Variants in ASS1 observed in about 807,000 individuals in gnomAD.
ASS1 encodes the protein argininosuccinate synthase.
Under a neutral mutation model 60.5 loss-of-function variants are expected in ASS1, and 58 were observed. The observed-to-expected ratio is 0.96, with a 90% confidence interval of 0.78 to 1.19. ASS1 has a LOEUF of 1.19. Ranked by LOEUF, ASS1 falls within the 50% of genes most tolerant of loss-of-function variation. The pLI, the probability that ASS1 is intolerant of heterozygous loss-of-function variation, is 0.00. For missense variants in ASS1, 454 were observed against 547.3 expected (o/e 0.83, Z 1.70); for synonymous variants, 200 against 206.9 (o/e 0.97, Z 0.29).
chr9:130,484,963 G>A lies in ASS1; in HGVS notation c.839-4370G>A, dbSNP rs1864708. On this transcript the variant is annotated intron_variant, in intron 11 of 14. Transcript: ENST00000352480. ...GTGGCTGCAGCCTTTCCCCTTGCCC[G>A]TGAGCCCTCCGGAGGCTGCCTGGGA... 3.3e-3 allele frequency among the ~76,000 whole-genome samples: 509 copies of A among 152,284 alleles called. 3 individuals carry two copies. The highest frequency in any genetic ancestry group is 0.012 in the African/African-American group (486 of 41,556).
intron 13 of ASS1, among the ~76,000 whole-genome samples, chr9:130,495,444 C>CATATATATAT (rs142565065): frequency 7.2e-6 from 1 of 139,750 alleles, no homozygotes; most frequent in African/African-American, 2.6e-5. Flanking sequence ...CACACACATA[C>CATATATATAT]ATATATATAT....
chr9:130,495,470 T>TACACACACACACACACAC (rs777921061), intron 13 of ASS1, among the ~76,000 whole-genome samples: 30 of 130,576 alleles, frequency 2.3e-4, no homozygotes, highest in East Asian at 1.8e-3. Context: ...TACACATACA[T>TACACACACACACACACAC]ATACACACAC....
intron 13 of ASS1, among the ~76,000 whole-genome samples, chr9:130,495,951 A>G (rs1846590508): frequency 1.3e-5 from 2 of 152,124 alleles, no homozygotes; most frequent in African/African-American, 4.8e-5. Flanking sequence ...TTTAGGTGTC[A>G]TGAGTATGGG....
intron 5 of ASS1, among the ~76,000 whole-genome samples, chr9:130,465,335 A>G (rs1845710644): frequency 6.6e-6 from 1 of 152,222 alleles, no homozygotes; most frequent in South Asian, 2.1e-4. Flanking sequence ...GCCATATTAA[A>G]AAATAGAAAA....
At chr9:130,480,543 A>G (rs1044255468) in intron 11 of ASS1, 94 bp downstream of exon 11, 8 of 1,377,342 alleles carry the variant, frequency 5.8e-6, no homozygotes, top group Admixed American at 5.7e-5. Context: ...TACTACCCCC[A>G]TGCTCCGTGG....
intron 14 of ASS1, among the ~76,000 whole-genome samples, chr9:130,500,549 A>G (rs1846725744): frequency 1.3e-5 from 2 of 151,870 alleles, no homozygotes; most frequent in South Asian, 4.2e-4. Flanking sequence ...CCCTGGAGGC[A>G]CCTCATGCCC....
rs1316485985 is a variant in ASS1, at chr9:130,470,227, C to A, written c.496-607C>A. Among the ~76,000 whole-genome samples the A allele has an allele frequency of 1.3e-5, 2 of 152,178 alleles. No individual in the cohort carries two copies. The highest frequency in any genetic ancestry group is 2.1e-4 in the South Asian group (1 of 4,822). On this transcript the variant is annotated intron_variant, in intron 6 of 14. Coordinates refer to ENST00000352480, the MANE Select transcript of ASS1 (RefSeq NM_054012.4). This position sits in a 1 kb window ranked among gnomAD's most constrained non-coding sequence, Gnocchi z 4.3. ...TGTCCTCCTGTAACAACAGACTGGG[C>A]CATTTAGGAAGCGAAACAGAGCCAG...
intron 1 of ASS1, chr9:130,450,371 C>G (rs75335697): frequency 4.4e-5 from 43 of 978,706 alleles, no homozygotes; most frequent in Non-Finnish European, 4.9e-5. Flanking sequence ...CTGCCTTCCT[C>G]CCTCCTTCCC....
At chr9:130,450,268 G>A (rs1346343136) in intron 1 of ASS1, 1 of 988,104 alleles carries the variant, frequency 1.0e-6, no homozygotes, top group Non-Finnish European at 1.2e-6. Flanking sequence ...CTCTGCTTTT[G>A]CAGAGTGGTT....
At chr9:130,473,690 C>A (rs909641435) in intron 8 of ASS1, among the ~76,000 whole-genome samples, 9 of 152,208 alleles carry the variant, frequency 5.9e-5, no homozygotes, top group Admixed American at 1.3e-4. Context: ...GCCCCTCCCC[C>A]TCTCCAAAAG....
In ASS1 at chr9:130,458,487, C is replaced by T. The variant is rs749648285; in HGVS notation, c.261C>T (p.Tyr87=). 60 of 1,612,596 alleles carry T rather than the reference C, an allele frequency of 3.7e-5. 1 individual carries two copies. In the South Asian group the frequency reaches 6.2e-4, roughly 17 times the overall value. The change falls in exon 4 of 15, where the codon TAC becomes TAT. Residue 87 remains tyrosine, a synonymous_variant. Transcript: ENST00000352480. The part of the protein sequence containing the change: ...IQSSALYEDR[Y]LLGTSLARPC... ...CCAGCGCACTGTATGAGGACCGCTA[C>T]CTCCTGGGCACCTCTCTTGCCAGGC...
At chr9:130,485,958 A>G (rs580228) in intron 11 of ASS1, among the ~76,000 whole-genome samples, 140,237 of 152,192 alleles carry the variant, frequency 0.92, 65,621 homozygotes, top group East Asian at 1. Flanking sequence ...CTTTTTTGGC[A>G]CTGTCATGTT....
intron 11 of ASS1, among the ~76,000 whole-genome samples, chr9:130,487,210 C>T (rs1245489130): frequency 6.6e-6 from 1 of 152,206 alleles, no homozygotes; most frequent in Non-Finnish European, 1.5e-5. Context: ...TGGCAGCTAA[C>T]AGTCGGGAGA....
chr9:130,487,085 G>A (rs1315826156), intron 11 of ASS1, among the ~76,000 whole-genome samples: 1 of 152,296 alleles, frequency 6.6e-6, no homozygotes, highest in Non-Finnish European at 1.5e-5. Flanking sequence ...TGGTGTGTGG[G>A]ACTAGATTTA....
intron 4 of ASS1, among the ~76,000 whole-genome samples, chr9:130,463,623 C>T (rs999963801): frequency 6.6e-6 from 1 of 152,180 alleles, no homozygotes; most frequent in African/African-American, 2.4e-5. Flanking sequence ...TCCCTGACAC[C>T]AGCCATTGAA....
At chr9:130,496,790 G>A (rs1290242438) in intron 13 of ASS1, among the ~76,000 whole-genome samples, 2 of 152,098 alleles carry the variant, frequency 1.3e-5, no homozygotes, top group Admixed American at 6.5e-5. Context: ...ACCAAGGGAC[G>A]AGGTGTCACC....
chr9:130,454,267 C>G (rs1350939151), intron 2 of ASS1, 38 bp from the exon 3 acceptor site: 1 of 1,599,692 alleles, frequency 6.3e-7, no homozygotes, highest in Non-Finnish European at 8.5e-7. Context: ...AGGGCTCCCC[C>G]CAGGGGCTGA....
chr9:130,472,377 G>C (rs926483282), intron 8 of ASS1, among the ~76,000 whole-genome samples: 39 of 152,262 alleles, frequency 2.6e-4, no homozygotes, highest in Admixed American at 3.3e-4. Context: ...TCACGCCCGC[G>C]TGCCGCCCCC....
chr9:130,475,250 C>G (rs1387439068), intron 8 of ASS1, among the ~76,000 whole-genome samples: 2 of 152,174 alleles, frequency 1.3e-5, no homozygotes, highest in African/African-American at 4.8e-5. Context: ...GCATGTACCC[C>G]CAGAGTGAAT....
Sources: gnomAD v4.1 joint callset for allele counts (sites outside exome capture counted in the v4.1 genomes callset) on GRCh38, gnomAD v4.1.1 for gene constraint, Gnocchi (gnomAD v3.1) non-coding constraint, MANE v1.5 for transcripts, NCBI Gene and HGNC (gene_info 2026-07-23, HGNC 2026-07-21) for gene names.